MYO1E: variants seen among roughly 807,000 people sequenced by gnomAD.
MYO1E encodes myosin IE, also known as unconventional myosin-Ie.
MYO1E carries 68 observed loss-of-function variants against 151.1 expected under a neutral mutation model. The ratio of observed to expected loss-of-function variants is 0.45; its 90% CI spans 0.37 to 0.55. The LOEUF (loss-of-function observed/expected upper bound fraction) is 0.55. Ranked by LOEUF, MYO1E falls within the 20% of genes least tolerant of loss-of-function variation. The pLI, the probability that MYO1E is intolerant of heterozygous loss-of-function variation, is 0.00. For missense variants in MYO1E, 1,363 were observed against 1,389.3 expected, an observed-to-expected ratio of 0.98 and a Z score of 0.30; for synonymous variants, 601 against 501.7, an observed-to-expected ratio of 1.20 and a Z score of -2.64.
intron 1 of MYO1E, among the ~76,000 whole-genome samples, chr15:59,366,772 T>A (rs182520768): frequency 1.4e-3 from 209 of 152,278 alleles, no homozygotes; most frequent in South Asian, 7.0e-3. Context: ...CCAACATAAA[T>A]TCTGAAACTG....
chr15:59,174,612 T>C (rs1347382626), intron 19 of MYO1E, among the ~76,000 whole-genome samples: 2 of 152,112 alleles, frequency 1.3e-5, no homozygotes, highest in Non-Finnish European at 2.9e-5. Flanking sequence ...AGTGAGTGGG[T>C]GGAGGCTGTT....
At chr15:59,214,200 AT>A in intron 12 of MYO1E, 27 bp downstream of exon 12, 2 of 1,542,846 alleles carry the variant, frequency 1.3e-6, no homozygotes, top group Non-Finnish European at 1.8e-6. Context: ...TATAAATAGA[AT>A]AGGATGAAGG....
intron 18 of MYO1E, among the ~76,000 whole-genome samples, chr15:59,178,842 C>G (rs1018108684): frequency 6.6e-6 from 1 of 152,320 alleles, no homozygotes; most frequent in Middle Eastern, 3.4e-3. Flanking sequence ...TGGAAGGCCA[C>G]CAGGGGTGGT....
intron 1 of MYO1E, among the ~76,000 whole-genome samples, chr15:59,361,461 G>A (rs1322495201): frequency 2.0e-5 from 3 of 152,100 alleles, no homozygotes; most frequent in African/African-American, 7.2e-5. Flanking sequence ...AACTGTCATT[G>A]AAATAACCTG....
chr15:59,180,627 G>C (rs2079652712), intron 18 of MYO1E, among the ~76,000 whole-genome samples: 3 of 151,612 alleles, frequency 2.0e-5, no homozygotes, highest in Admixed American at 2.0e-4. Context: ...GAGGGTCTTG[G>C]CAATACATGG....
intron 3 of MYO1E, among the ~76,000 whole-genome samples, chr15:59,257,982 T>C (rs1370279331): frequency 4.6e-5 from 7 of 152,186 alleles, no homozygotes; most frequent in African/African-American, 1.2e-4. Flanking sequence ...GGAACAAGAA[T>C]AGATTCACAG....
At chr15:59,172,461 C>T (rs181716221) in intron 21 of MYO1E, among the ~76,000 whole-genome samples, 14 of 152,342 alleles carry the variant, frequency 9.2e-5, no homozygotes, top group Admixed American at 9.1e-4. Context: ...ATCTTCACTA[C>T]TGTTGAGAGG....
At position 59,205,491 on chromosome 15, in the gene MYO1E, C is replaced by G; in HGVS notation, c.1531-6G>C. 6.4e-7 allele frequency: 1 copy of G among 1,568,756 alleles called. No individual in the cohort carries two copies. Among genetic ancestry groups the G allele is most frequent in the South Asian group, 1.1e-5 (1 of 89,518 alleles). ...CCATCCATGTCATAGGATACCTGGCCAAGAATGGAAAGAAATCGAATTTCA... is the reference window on the plus strand; with the variant it reads ...CCATCCATGTCATAGGATACCTGGCGAAGAATGGAAAGAAATCGAATTTCA... On this transcript the variant is annotated splice_polypyrimidine_tract_variant and splice_region_variant and intron_variant, in intron 14 of 27. Transcript: ENST00000288235.
intron 25 of MYO1E, among the ~76,000 whole-genome samples, chr15:59,156,532 T>C (rs542754679): frequency 4.9e-4 from 75 of 152,364 alleles, no homozygotes; most frequent in African/African-American, 1.6e-3. Flanking sequence ...TTTTGCTGTG[T>C]TGCCCAGGCT....
At chr15:59,206,896 G>A in intron 14 of MYO1E, 1 of 1,573,604 alleles carries the variant, frequency 6.4e-7, no homozygotes, top group Non-Finnish European at 8.6e-7. Context: ...GTTCGGATCA[G>A]CAGCTTTTTT....
At chr15:59,290,973 A>G (rs1222798389) in intron 1 of MYO1E, among the ~76,000 whole-genome samples, 1 of 152,220 alleles carries the variant, frequency 6.6e-6, no homozygotes, top group East Asian at 1.9e-4. Context: ...CATTAGGTAG[A>G]AAAGAGTGTG....
chr15:59,277,450 C>A (rs1210570695), intron 1 of MYO1E, among the ~76,000 whole-genome samples: 1 of 150,472 alleles, frequency 6.6e-6, no homozygotes, highest in Non-Finnish European at 1.5e-5. Context: ...GAGGCTGAGG[C>A]AGGAGAATTG....
chr15:59,158,452 T>C, intron 24 of MYO1E, 73 bp from the exon 25 acceptor site: 5 of 1,237,484 alleles, frequency 4.0e-6, no homozygotes, highest in South Asian at 1.3e-5. Context: ...TCTTTGCATA[T>C]GGAAAATTTT....
intron 19 of MYO1E, 143 bp downstream of exon 19, chr15:59,178,250 G>A (rs2079637106): frequency 9.7e-7 from 1 of 1,025,738 alleles, no homozygotes; most frequent in Admixed American, 2.5e-5. Context: ...ACTTAGACCA[G>A]GAAGGGAGGG....
intron 1 of MYO1E, among the ~76,000 whole-genome samples, chr15:59,310,599 G>A (rs1332551781): frequency 6.6e-6 from 1 of 152,154 alleles, no homozygotes; most frequent in Non-Finnish European, 1.5e-5. Context: ...CCTTCGGAAG[G>A]AGCGTGGTCC....
chr15:59,156,825 A>G (rs1193784608), intron 25 of MYO1E, among the ~76,000 whole-genome samples: 1 of 152,222 alleles, frequency 6.6e-6, no homozygotes, highest in African/African-American at 2.4e-5. Context: ...AAAAGATTTT[A>G]TGTATTTTTG....
At chr15:59,243,728 G>A (rs897984531) in intron 4 of MYO1E, among the ~76,000 whole-genome samples, 4 of 152,126 alleles carry the variant, frequency 2.6e-5, no homozygotes, top group African/African-American at 9.7e-5. Context: ...ACCCATTTAA[G>A]CAAGCCTTCT....
At chr15:59,258,176 G>A (rs1234241479) in intron 3 of MYO1E, among the ~76,000 whole-genome samples, 1 of 152,110 alleles carries the variant, frequency 6.6e-6, no homozygotes, top group African/African-American at 2.4e-5. Flanking sequence ...GCAAAACCCA[G>A]TATCTACTAA....
chr15:59,244,728 C>T (rs561912560), intron 4 of MYO1E, among the ~76,000 whole-genome samples: 1 of 152,328 alleles, frequency 6.6e-6, no homozygotes, highest in Non-Finnish European at 1.5e-5. Flanking sequence ...TTCATTACCT[C>T]TTTGAGACTC....
Sources: gnomAD v4.1 joint callset for allele counts (sites outside exome capture counted in the v4.1 genomes callset) on GRCh38, gnomAD v4.1.1 for gene constraint, MANE v1.5 for transcripts, NCBI Gene and HGNC (gene_info 2026-07-23, HGNC 2026-07-21) for gene names.